NAA35: variants seen among roughly 807,000 people sequenced by gnomAD.
NAA35 encodes MAK10 homolog, amino-acid N-acetyltransferase subunit.
Under a neutral mutation model 101.7 loss-of-function variants are expected in NAA35, and 18 were observed. The observed-to-expected ratio is 0.18, with a 90% CI of 0.12 to 0.26. The LOEUF (loss-of-function observed/expected upper bound fraction) is 0.26. Ranked by LOEUF, NAA35 falls within the 10% of genes least tolerant of loss-of-function variation. The probability of loss-of-function intolerance (pLI) is 1.00; values close to 1 mark genes in which losing one functional copy is unlikely to be tolerated. For missense variants in NAA35, 601 were observed against 886.8 expected (o/e 0.68, Z 4.09); for synonymous variants, 267 against 273.1 (o/e 0.98, Z 0.22).
At chr9:86,007,188 A>G (rs536532746) in intron 13 of NAA35, among the ~76,000 whole-genome samples, 170 bp from the exon 14 acceptor site, 1 of 152,326 alleles carries the variant, frequency 6.6e-6, no homozygotes, top group African/African-American at 2.4e-5. Context: ...ACCTTCAGTA[A>G]GGATTAATAA....
intron 11 of NAA35, among the ~76,000 whole-genome samples, chr9:85,979,165 C>T (rs1169516072): frequency 6.6e-6 from 1 of 152,130 alleles, no homozygotes; most frequent in African/African-American, 2.4e-5. Context: ...AGAAAGGGTA[C>T]ACTCACCAGC....
At chr9:85,976,856 C>A in intron 9 of NAA35, 121 bp downstream of exon 9, 2 of 667,534 alleles carry the variant, frequency 3.0e-6, no homozygotes, top group Non-Finnish European at 5.0e-6. Flanking sequence ...AAAAATTGGA[C>A]ATTGCAAGGG....
intron 12 of NAA35, among the ~76,000 whole-genome samples, chr9:86,002,230 T>G (rs1831445381): frequency 2.6e-5 from 2 of 76,962 alleles, no homozygotes; most frequent in South Asian, 6.7e-4. Flanking sequence ...GAGGTCTCCT[T>G]TTTAGCCTGA....
intron 16 of NAA35, 54 bp downstream of exon 16, chr9:86,013,198 C>A: frequency 9.0e-7 from 1 of 1,113,402 alleles, no homozygotes. Context: ...ACACTTTGTC[C>A]AGATTTTTAA....
At chr9:86,021,802 C>T in intron 22 of NAA35, 99 bp from the exon 23 acceptor site, 1 of 1,018,120 alleles carries the variant, frequency 9.8e-7, no homozygotes, top group Admixed American at 2.4e-5. Context: ...TGCCTTGTTT[C>T]TAAGAACACA....
At position 86,025,402 on chromosome 9, in the gene NAA35, A is replaced by G. The variant is rs537971780; in HGVS notation, c.*3442A>G. Among the ~76,000 whole-genome samples, 15 of 152,132 alleles carry G rather than the reference A, an allele frequency of 9.9e-5. No homozygotes were observed. Among genetic ancestry groups the G allele is most frequent in the Non-Finnish European group, 2.1e-4 (14 of 68,022 alleles). ...AAGAGCGACTCAACTGGGCTTGAAG[A>G]ACTGACTTCCCCATATTCATACTTG... On this transcript the variant is annotated 3_prime_UTR_variant, in exon 23 of 23. Transcript: ENST00000361671.
At chr9:85,987,877 A>T (rs1830718814) in intron 11 of NAA35, among the ~76,000 whole-genome samples, 1 of 152,238 alleles carries the variant, frequency 6.6e-6, no homozygotes, top group African/African-American at 2.4e-5. Context: ...AAGGGAAAAA[A>T]CTAGGGATTC....
chr9:85,971,733 T>G (rs1024935314), intron 6 of NAA35, among the ~76,000 whole-genome samples: 5 of 152,200 alleles, frequency 3.3e-5, no homozygotes, highest in African/African-American at 1.2e-4. Flanking sequence ...ATCACCTGCT[T>G]AGACCAAAAC....
intron 6 of NAA35, among the ~76,000 whole-genome samples, chr9:85,969,173 C>T (rs985309377): frequency 1.3e-5 from 2 of 151,534 alleles, no homozygotes; most frequent in African/African-American, 2.4e-5. Context: ...GTTATCTGGC[C>T]CACATGCCTT....
At chr9:86,009,781 C>G in intron 14 of NAA35, 84 bp from the exon 15 acceptor site, 2 of 935,586 alleles carry the variant, frequency 2.1e-6, no homozygotes, top group Non-Finnish European at 1.7e-6. Flanking sequence ...TTCACCTTCT[C>G]TGTCATTTGG....
At chr9:86,007,107 T>C (rs947943117) in intron 13 of NAA35, among the ~76,000 whole-genome samples, 4 of 152,350 alleles carry the variant, frequency 2.6e-5, no homozygotes, top group Non-Finnish European at 5.9e-5. Flanking sequence ...TCAGTTTATT[T>C]TGACTATTTT....
In NAA35 at chr9:85,941,150, G is replaced by T. The variant is rs1828491051; in HGVS notation, c.-129G>T. On this transcript the variant is annotated 5_prime_UTR_variant, in exon 1 of 23. Coordinates refer to ENST00000361671, the MANE Select transcript of NAA35 (RefSeq NM_024635.4). ...GCGGGGTCGCGCGTCCCGGGCATAC[G>T]CATGCGTGCACGCTGCCGGTCGGGC... 4.4e-5 allele frequency: 43 copies of T among 985,888 alleles called. No individual in the cohort carries two copies. Among genetic ancestry groups the T allele is most frequent in the Admixed American group, 6.1e-5 (1 of 16,270 alleles). The allele number at this position is 985,888 out of a possible 1,614,324, so 61.1% of individuals were successfully genotyped here.
In NAA35 at chr9:85,941,196, C is replaced by T. The variant is rs142713767; in HGVS notation, c.-83C>T. ...CGGGCTGGGCTGAGAGGGGAGGGGG[C>T]GGCGGCGGCCGAGGCGGCGTCGTTA... On this transcript the variant is annotated 5_prime_UTR_variant, in exon 1 of 23. Coordinates refer to ENST00000361671, the MANE Select transcript of NAA35 (RefSeq NM_024635.4). 19,581 of 986,638 alleles carry T rather than the reference C, an allele frequency of 0.02. 193 individuals carry two copies. Among genetic ancestry groups the T allele is most frequent in the Admixed American group, 0.023 (380 of 16,288 alleles). 61.1% of individuals were successfully genotyped at this position (986,638 alleles called of 1,614,324 possible).
chr9:85,991,088 A>G (rs1830886261), intron 11 of NAA35, among the ~76,000 whole-genome samples: 1 of 152,062 alleles, frequency 6.6e-6, no homozygotes, highest in Non-Finnish European at 1.5e-5. Context: ...CCTAAGCAGG[A>G]TTGAGAAGGG....
At chr9:85,977,595 CTGATGA>C in intron 10 of NAA35, 149 bp downstream of exon 10, 3 of 512,140 alleles carry the variant, frequency 5.9e-6, no homozygotes, top group South Asian at 6.7e-5. Flanking sequence ...CAGTGTAACA[CTGATGA>C]CTTTCTCAAG....
intron 21 of NAA35, among the ~76,000 whole-genome samples, chr9:86,019,392 C>T (rs1181536960): frequency 6.6e-6 from 1 of 152,100 alleles, no homozygotes; most frequent in Non-Finnish European, 1.5e-5. Context: ...ACCCGGGAGG[C>T]GGAGGTTGCA....
At chr9:85,959,612 T>C (rs117582128) in intron 4 of NAA35, among the ~76,000 whole-genome samples, 181 bp from the exon 5 acceptor site, 2,313 of 152,206 alleles carry the variant, frequency 0.015, 30 homozygotes, top group Non-Finnish European at 0.025. Context: ...TAAGAAGATA[T>C]ATTGTTTTTA....
intron 12 of NAA35, among the ~76,000 whole-genome samples, chr9:86,002,523 TC>T (rs1015494940): frequency 1.3e-5 from 2 of 152,192 alleles, no homozygotes; most frequent in African/African-American, 4.8e-5. Context: ...GTTTCCATAA[TC>T]CCATACTTCT....
chr9:85,999,971 T>C (rs112593227), intron 12 of NAA35, among the ~76,000 whole-genome samples: 21 of 152,292 alleles, frequency 1.4e-4, no homozygotes, highest in African/African-American at 5.1e-4. Context: ...TTTAGATAAA[T>C]TTCTTTAAAA....
Sources: allele counts gnomAD v4.1 joint callset (sites outside exome capture counted in the v4.1 genomes callset), GRCh38; gene constraint gnomAD v4.1.1; transcripts MANE v1.5; gene names NCBI Gene and HGNC (gene_info 2026-07-23, HGNC 2026-07-21).